CAMTA1: variants seen among roughly 807,000 people sequenced by gnomAD.
CAMTA1 encodes the protein calmodulin-binding transcription activator 1.
Under a neutral mutation model 170.9 loss-of-function variants are expected in CAMTA1, and 27 were observed. That is an observed-to-expected ratio of 0.16 (90% CI 0.12 to 0.22). The LOEUF is 0.22. Ranked by LOEUF, CAMTA1 falls within the 10% of genes least tolerant of loss-of-function variation. The probability of loss-of-function intolerance (pLI) is 1.00; values close to 1 mark genes in which losing one functional copy is unlikely to be tolerated. For missense variants in CAMTA1, 1,619 were observed against 2,217.2 expected, an observed-to-expected ratio of 0.73 and a Z score of 5.42; for synonymous variants, 833 against 891.5, an observed-to-expected ratio of 0.93 and a Z score of 1.17.
chr1:7,500,213 GTA>G (rs1175346481), intron 6 of CAMTA1, among the ~76,000 whole-genome samples: 3 of 140,522 alleles, frequency 2.1e-5, no homozygotes, highest in South Asian at 2.3e-4. Context: ...GCGTGTGTAT[GTA>G]TATGAGTGTA....
chr1:7,102,018 TACACA>T (rs1156652824), intron 4 of CAMTA1, among the ~76,000 whole-genome samples: 3 of 140,198 alleles, frequency 2.1e-5, no homozygotes, highest in Admixed American at 1.5e-4. Context: ...CATGCATAAA[TACACA>T]ACACACACAC....
chr1:6,994,668 T>C (rs1331239627), intron 3 of CAMTA1, among the ~76,000 whole-genome samples: 2 of 140,130 alleles, frequency 1.4e-5, no homozygotes, highest in Admixed American at 1.5e-4. Flanking sequence ...TCATTTTGTT[T>C]GAACTTCTTT....
chr1:6,833,872 C>G (rs1050367723), intron 3 of CAMTA1, among the ~76,000 whole-genome samples: 2 of 152,096 alleles, frequency 1.3e-5, no homozygotes, highest in Admixed American at 6.5e-5. Context: ...ACTTACAGCC[C>G]CTTGATAATA....
chr1:6,923,656 G>A (rs569027423), intron 3 of CAMTA1, among the ~76,000 whole-genome samples: 1 of 152,116 alleles, frequency 6.6e-6, no homozygotes, highest in Non-Finnish European at 1.5e-5. Context: ...TTCCTGTGGC[G>A]GTGAGCTGGG....
intron 3 of CAMTA1, among the ~76,000 whole-genome samples, chr1:6,989,872 G>T (rs1049026777): frequency 7.2e-5 from 11 of 152,134 alleles, no homozygotes; most frequent in Admixed American, 4.6e-4. Flanking sequence ...CTGACCTTGG[G>T]GGGTGAGTCC....
chr1:7,329,234 A>G (rs567290764), intron 5 of CAMTA1, among the ~76,000 whole-genome samples: 1 of 152,366 alleles, frequency 6.6e-6, no homozygotes, highest in East Asian at 1.9e-4. Context: ...GTAACTTCTA[A>G]TTATGTTGGA....
intron 1 of CAMTA1, among the ~76,000 whole-genome samples, chr1:6,819,408 C>A (rs560500709): frequency 1.3e-5 from 2 of 151,944 alleles, no homozygotes; most frequent in African/African-American, 4.8e-5. Context: ...TTCCTGTTAA[C>A]GGAATTCCCC....
chr1:7,678,157 C>A (rs541137118), intron 11 of CAMTA1, among the ~76,000 whole-genome samples: 1 of 152,242 alleles, frequency 6.6e-6, no homozygotes, highest in Admixed American at 6.5e-5. Flanking sequence ...CAGAGGCCAT[C>A]GCCAAGCCCC....
chr1:7,621,548 G>A (rs752602676), intron 6 of CAMTA1, among the ~76,000 whole-genome samples: 4 of 152,200 alleles, frequency 2.6e-5, no homozygotes, highest in East Asian at 1.9e-4. Context: ...AGTGCAGCTC[G>A]GTAGAGGTAC....
chr1:7,594,331 AG>A (rs1343505537), intron 6 of CAMTA1, among the ~76,000 whole-genome samples: 1 of 152,120 alleles, frequency 6.6e-6, no homozygotes, highest in Admixed American at 6.5e-5. Flanking sequence ...TGTTCCAGAC[AG>A]GGGGACCAGC....
chr1:7,204,343 C>T (rs559286870), intron 4 of CAMTA1, among the ~76,000 whole-genome samples: 5 of 152,060 alleles, frequency 3.3e-5, no homozygotes, highest in African/African-American at 7.2e-5. Context: ...CACAGCATCC[C>T]GTAAGTTTTG....
At chr1:6,843,007 A>G (rs766193096) in intron 3 of CAMTA1, among the ~76,000 whole-genome samples, 2 of 152,206 alleles carry the variant, frequency 1.3e-5, no homozygotes, top group Non-Finnish European at 2.9e-5. Context: ...ATGTACAGTT[A>G]TATTATTAAA....
chr1:7,299,119 G>A lies in CAMTA1; in HGVS notation c.438+49493G>A, dbSNP rs1674397993. ...TAGGTCTGCTTCCTGAAAATTCAAA[G>A]TCTCTGAAAATTCTGTTTTAAAATA... On this transcript the variant is annotated intron_variant, in intron 5 of 22. Transcript: ENST00000303635. The surrounding 1 kb of genome is among the most constrained non-coding windows in gnomAD (Gnocchi z 4.7). Among the ~76,000 whole-genome samples the A allele has an allele frequency of 6.6e-6, 1 of 152,144 alleles. No homozygotes were observed. The highest frequency in any genetic ancestry group is 2.1e-4 in the South Asian group (1 of 4,824).
intron 10 of CAMTA1, among the ~76,000 whole-genome samples, chr1:7,676,753 A>G (rs934556388): frequency 6.6e-6 from 1 of 152,152 alleles, no homozygotes; most frequent in African/African-American, 2.4e-5. Flanking sequence ...CACACCCACC[A>G]TTGCCCACGG....
At chr1:6,828,277 C>T (rs1012438936) in intron 3 of CAMTA1, among the ~76,000 whole-genome samples, 2 of 140,320 alleles carry the variant, frequency 1.4e-5, no homozygotes, top group Non-Finnish European at 3.1e-5. Flanking sequence ...AGATTGTGCT[C>T]ATTCCATCCT....
chr1:7,176,614 C>G (rs1650888291), intron 4 of CAMTA1, among the ~76,000 whole-genome samples: 1 of 152,212 alleles, frequency 6.6e-6, no homozygotes, highest in Admixed American at 6.5e-5. Flanking sequence ...CCTGGTTGCC[C>G]TGGGTTAGCC....
At chr1:7,046,886 A>G (rs1705467379) in intron 3 of CAMTA1, among the ~76,000 whole-genome samples, 2 of 152,228 alleles carry the variant, frequency 1.3e-5, no homozygotes, top group Admixed American at 1.3e-4. Flanking sequence ...AGCAGTGACC[A>G]TCACAACTGC....
rs11120985 is a variant in CAMTA1, at chr1:7,590,121, G to A, written c.511-50279G>A. ...GAACTTCAACATTGCCTATTTGCCC[G>A]TACAGGGTGTCCCAGGGCTAGCATC... On this transcript the variant is annotated intron_variant, in intron 6 of 22. Transcript: ENST00000303635. Among the ~76,000 whole-genome samples, 779 of 152,258 alleles carry A rather than the reference G, an allele frequency of 5.1e-3. 7 individuals are homozygous for A. Among genetic ancestry groups the A allele is most frequent in the African/African-American group, 0.018 (730 of 41,548 alleles).
chr1:7,555,873 A>C (rs17031108), intron 6 of CAMTA1, among the ~76,000 whole-genome samples: 2,934 of 152,238 alleles, frequency 0.019, 87 homozygotes, highest in African/African-American at 0.064. Context: ...ACCAGCTCCA[A>C]TCTAAGCCGC....
Sources: gnomAD v4.1 joint callset for allele counts (sites outside exome capture counted in the v4.1 genomes callset) on GRCh38, gnomAD v4.1.1 for gene constraint, Gnocchi (gnomAD v3.1) non-coding constraint, MANE v1.5 for transcripts, NCBI Gene and HGNC (gene_info 2026-07-23, HGNC 2026-07-21) for gene names.